Variants in DAB1 observed in about 807,000 individuals in gnomAD.
DAB1 encodes disabled homolog 1.
A neutral mutation model predicts 64.6 loss-of-function variants in DAB1; 15 were observed. That is an observed-to-expected ratio of 0.23 (90% CI 0.16 to 0.36). The LOEUF is 0.36. Among genes scored for constraint, DAB1 ranks in the 10% least tolerant of loss-of-function variants. The pLI is 1.00. For synonymous variants in DAB1, 235 were observed against 251.9 expected (o/e 0.93, Z 0.64); for missense variants, 596 against 706.7 (o/e 0.84, Z 1.78).
chr1:57,566,911 C>T (rs1402172041), intron 7 of DAB1, among the ~76,000 whole-genome samples: 3 of 152,188 alleles, frequency 2.0e-5, no homozygotes, highest in African/African-American at 7.2e-5. Flanking sequence ...AGGGAATCCT[C>T]CCTAACTCAT....
intron 1 of DAB1, chr1:57,876,637 T>C (rs1644051729): frequency 6.6e-6 from 1 of 152,196 alleles, no homozygotes; most frequent in Non-Finnish European, 1.5e-5. Context: ...CCCAGACACA[T>C]CTGACGGTAC....
intron 5 of DAB1, among the ~76,000 whole-genome samples, chr1:58,100,367 T>C (rs1451472412): frequency 6.6e-6 from 1 of 152,254 alleles, no homozygotes; most frequent in Non-Finnish European, 1.5e-5. Context: ...TTCATGCATA[T>C]TGTAGCCTGT....
chr1:58,506,485 T>C (rs1359254239), intron 2 of DAB1, among the ~76,000 whole-genome samples: 2 of 152,162 alleles, frequency 1.3e-5, no homozygotes, highest in African/African-American at 2.4e-5. Flanking sequence ...AAGTAGAACA[T>C]GCCCATTGCT....
At chr1:57,920,386 C>A (rs944731524) in intron 5 of DAB1, among the ~76,000 whole-genome samples, 2 of 152,108 alleles carry the variant, frequency 1.3e-5, no homozygotes, top group Non-Finnish European at 2.9e-5. Context: ...GAACATGGCT[C>A]ACTGCAGCCT....
intron 6 of DAB1, among the ~76,000 whole-genome samples, chr1:57,748,045 C>T (rs143965770): frequency 3.3e-5 from 5 of 152,198 alleles, no homozygotes; most frequent in African/African-American, 7.2e-5. Flanking sequence ...ATGCCTACTA[C>T]TTGCCAGGCA....
rs111448149 is a variant in DAB1, at chr1:57,168,947, T to G, written c.68-23518A>C. 2.3e-3 allele frequency among the ~76,000 whole-genome samples: 347 copies of G among 152,156 alleles called. 1 individual carries two copies. Among genetic ancestry groups the G allele is most frequent in the Non-Finnish European group, 3.9e-3 (264 of 68,014 alleles). On this transcript the variant is annotated intron_variant, in intron 2 of 14. Coordinates refer to ENST00000371236, the MANE Select transcript of DAB1 (RefSeq NM_001365792.1). ...TGGCATGTGCCATAGTCCCAGCTACTTAGGAGGCTGAGGCAGGAGGATCAC... is the reference window on the plus strand; with the variant it reads ...TGGCATGTGCCATAGTCCCAGCTACGTAGGAGGCTGAGGCAGGAGGATCAC...
At position 58,340,781 on chromosome 1, in the gene DAB1, G is replaced by A. The variant is rs74509613; in HGVS notation, n.309+2571C>T. ...TCTGTCCTTATTTCTTAATGTGCTTGTAGTCAAGTCACTTTATCCCAAGGC... is the reference window on the plus strand; with the variant it reads ...TCTGTCCTTATTTCTTAATGTGCTTATAGTCAAGTCACTTTATCCCAAGGC... On this transcript the variant is annotated intron_variant and non_coding_transcript_variant, in intron 4 of 20. Coordinates refer to the DAB1 transcript ENST00000485760. 4.9e-3 allele frequency among the ~76,000 whole-genome samples: 741 copies of A among 152,322 alleles called. 7 individuals are homozygous for A. The highest frequency in any genetic ancestry group is 0.017 in the African/African-American group (699 of 41,572).
chr1:57,381,404 A>G (rs2100971691), intron 1 of DAB1, among the ~76,000 whole-genome samples: 1 of 152,264 alleles, frequency 6.6e-6, no homozygotes, highest in South Asian at 2.1e-4. Flanking sequence ...ATAAAGCATA[A>G]GGCTCTTGAG....
intron 1 of DAB1, among the ~76,000 whole-genome samples, chr1:57,319,383 GT>G (rs5774337): frequency 0.24 from 37,146 of 152,000 alleles, 5,769 homozygotes; most frequent in Non-Finnish European, 0.35. Context: ...TTCTGTGGCA[GT>G]TTTTCTATAC....
At chr1:57,180,387 C>T (rs1662787705) in intron 2 of DAB1, among the ~76,000 whole-genome samples, 1 of 152,214 alleles carries the variant, frequency 6.6e-6, no homozygotes, top group Non-Finnish European at 1.5e-5. Flanking sequence ...AAAATGGCTG[C>T]ACTCATCACA....
chr1:57,411,519 G>A (rs1331438502), intron 1 of DAB1, among the ~76,000 whole-genome samples: 2 of 152,216 alleles, frequency 1.3e-5, no homozygotes, highest in African/African-American at 4.8e-5. Flanking sequence ...CTGGCCCCCA[G>A]GCCCCAGCAC....
intron 6 of DAB1, among the ~76,000 whole-genome samples, chr1:57,761,775 A>T (rs925190496): frequency 2.0e-5 from 3 of 152,208 alleles, no homozygotes; most frequent in African/African-American, 7.2e-5. Flanking sequence ...CCCAGATTCC[A>T]AATGTCATGT....
chr1:58,019,025 C>A (rs986030173), intron 5 of DAB1, among the ~76,000 whole-genome samples: 6 of 152,144 alleles, frequency 3.9e-5, no homozygotes, highest in Non-Finnish European at 5.9e-5. Context: ...TCAGCTCCAC[C>A]ACAGGCTGGC....
chr1:57,589,974 T>C (rs1645424641), intron 7 of DAB1, among the ~76,000 whole-genome samples: 2 of 152,342 alleles, frequency 1.3e-5, no homozygotes, highest in South Asian at 2.1e-4. Context: ...CCAAAATTTA[T>C]GAAAGGCAAT....
intron 2 of DAB1, among the ~76,000 whole-genome samples, chr1:57,207,349 G>A (rs1396162776): frequency 6.6e-6 from 1 of 150,992 alleles, no homozygotes; most frequent in African/African-American, 2.4e-5. Context: ...GAACCCTTCA[G>A]TTCATGAGTT....
At chr1:57,984,611 A>G (rs538888347) in intron 5 of DAB1, among the ~76,000 whole-genome samples, 1 of 152,350 alleles carries the variant, frequency 6.6e-6, no homozygotes, top group South Asian at 2.1e-4. Flanking sequence ...TTTACTTTGC[A>G]TTTGAGAAAC....
chr1:58,238,013 C>T (rs777049118), intron 4 of DAB1, among the ~76,000 whole-genome samples: 4 of 152,170 alleles, frequency 2.6e-5, no homozygotes, highest in African/African-American at 4.8e-5. Context: ...TACAACCATG[C>T]GGTGGCAAAG....
At chr1:57,415,711 C>T (rs535359559) in intron 1 of DAB1, among the ~76,000 whole-genome samples, 3 of 152,128 alleles carry the variant, frequency 2.0e-5, no homozygotes, top group East Asian at 1.9e-4. Context: ...CTAGAACTTT[C>T]GTGAGTAGAC....
intron 5 of DAB1, among the ~76,000 whole-genome samples, chr1:57,901,774 A>C (rs1644477412): frequency 1.3e-5 from 2 of 152,292 alleles, no homozygotes; most frequent in South Asian, 4.1e-4. Context: ...TGTAAGGTTC[A>C]GACAGAGGCT....
Sources: gnomAD v4.1 joint callset for allele counts (sites outside exome capture counted in the v4.1 genomes callset) on GRCh38, gnomAD v4.1.1 for gene constraint, MANE v1.5 for transcripts, NCBI Gene and HGNC (gene_info 2026-07-23, HGNC 2026-07-21) for gene names.